The following TENM3 variants were observed in gnomAD, a reference collection of about 807,000 sequenced individuals.
The protein encoded by TENM3 is teneurin transmembrane protein 3.
A neutral mutation model predicts 255.1 loss-of-function variants in TENM3; 63 were observed. That is an observed-to-expected ratio of 0.25 (90% confidence interval 0.20 to 0.30). The LOEUF (loss-of-function observed/expected upper bound fraction) is 0.30. Among genes scored for constraint, TENM3 ranks in the 10% least tolerant of loss-of-function variants. The pLI, the probability that TENM3 is intolerant of heterozygous loss-of-function variation, is 1.00. For synonymous variants in TENM3, 1,306 were observed against 1,322.3 expected (o/e 0.99, Z 0.27); for missense variants, 2,929 against 3,461.1 (o/e 0.85, Z 3.86).
chr4:182,137,902 G>T, the TENM3 span, among the ~76,000 whole-genome samples: 2 of 152,166 alleles, frequency 1.3e-5, no homozygotes, highest in Non-Finnish European at 2.9e-5. Flanking sequence ...ATAGAATTCT[G>T]TTGTATTCTT....
chr4:182,725,085 C>T (rs1459001143), intron 13 of TENM3, among the ~76,000 whole-genome samples: 1 of 151,254 alleles, frequency 6.6e-6, no homozygotes, highest in Non-Finnish European at 1.5e-5. Flanking sequence ...CAGGGCCTCT[C>T]CCTGTCGCCC....
chr4:182,407,786 G>A (rs1421973795), intron 3 of TENM3, among the ~76,000 whole-genome samples: 1 of 152,130 alleles, frequency 6.6e-6, no homozygotes, highest in East Asian at 1.9e-4. Context: ...CCAAAGACCT[G>A]CTTTTCCATA....
intron 1 of TENM3, among the ~76,000 whole-genome samples, chr4:182,226,267 T>C (rs1296154719): frequency 6.6e-6 from 1 of 152,110 alleles, no homozygotes; most frequent in African/African-American, 2.4e-5. Context: ...GCTGGATTCC[T>C]AGGAGACTGT....
At chr4:182,557,655 A>G (rs1232926187) in intron 3 of TENM3, among the ~76,000 whole-genome samples, 1 of 152,136 alleles carries the variant, frequency 6.6e-6, no homozygotes, top group Admixed American at 6.6e-5. Flanking sequence ...GCCACAGGGT[A>G]CAACATTTTG....
chr4:182,471,313 G>A (rs1733100774), intron 3 of TENM3, among the ~76,000 whole-genome samples: 1 of 152,204 alleles, frequency 6.6e-6, no homozygotes, highest in African/African-American at 2.4e-5. Context: ...GTTGCCTAAA[G>A]ACATGGATGC....
At chr4:182,621,694 ATT>A (rs1750205382) in intron 4 of TENM3, among the ~76,000 whole-genome samples, 2 of 5,040 alleles carry the variant, frequency 4.0e-4, no homozygotes, top group African/African-American at 6.9e-4. Context: ...TATAATATAT[ATT>A]ATATATAAAA....
chr4:182,566,483 C>T (rs886328014), intron 3 of TENM3, among the ~76,000 whole-genome samples: 1 of 152,152 alleles, frequency 6.6e-6, no homozygotes, highest in Non-Finnish European at 1.5e-5. Context: ...TTTGGCCCTC[C>T]ACAGGAAACA....
At chr4:181,979,974 G>T in the TENM3 span, among the ~76,000 whole-genome samples, 1 of 152,178 alleles carries the variant, frequency 6.6e-6, no homozygotes, top group Non-Finnish European at 1.5e-5. Flanking sequence ...GAGTCACACT[G>T]GATCTCAACT....
chr4:181,961,505 T>C, the TENM3 span, among the ~76,000 whole-genome samples: 26 of 152,172 alleles, frequency 1.7e-4, no homozygotes, highest in East Asian at 3.9e-4. Context: ...CTGCAAGCTC[T>C]GCCTCCCGGG....
chr4:181,682,731 C>T, the TENM3 span, among the ~76,000 whole-genome samples: 1 of 151,998 alleles, frequency 6.6e-6, no homozygotes, highest in Non-Finnish European at 1.5e-5. Context: ...AAAAATAGGG[C>T]AATTCATTTG....
chr4:181,835,003 C>G, the TENM3 span: 1 of 152,148 alleles, frequency 6.6e-6, no homozygotes, highest in African/African-American at 2.4e-5. Flanking sequence ...AGGACAGACA[C>G]AGAAGTGTGG....
At chr4:181,839,339 T>G in the TENM3 span, among the ~76,000 whole-genome samples, 1 of 129,938 alleles carries the variant, frequency 7.7e-6, no homozygotes. Flanking sequence ...CATATATGTA[T>G]TGAGGGTATA....
At chr4:181,836,328 C>G in the TENM3 span, among the ~76,000 whole-genome samples, 1 of 152,156 alleles carries the variant, frequency 6.6e-6, no homozygotes, top group African/African-American at 2.4e-5. Context: ...TTTCTAATTT[C>G]ATATACAGAC....
chr4:182,778,073 T>A (rs17264471), intron 24 of TENM3, among the ~76,000 whole-genome samples: 11,987 of 150,456 alleles, frequency 0.08, 668 homozygotes, highest in Middle Eastern at 0.15. Flanking sequence ...TTGCAGCTCA[T>A]TTTTTTAAAA....
chr4:182,682,412 A>G (rs1756246088), intron 11 of TENM3, among the ~76,000 whole-genome samples: 2 of 152,372 alleles, frequency 1.3e-5, no homozygotes, highest in Middle Eastern at 3.4e-3. Flanking sequence ...AAGGCTAAAC[A>G]TCACAGTAAA....
At chr4:182,228,418 A>G (rs1756343674) in intron 1 of TENM3, among the ~76,000 whole-genome samples, 1 of 117,164 alleles carries the variant, frequency 8.5e-6, no homozygotes, top group South Asian at 2.3e-4. Flanking sequence ...CCAGCTCTAA[A>G]ATTTGCAACT....
chr4:181,744,339 T>C, the TENM3 span, among the ~76,000 whole-genome samples: 6 of 152,212 alleles, frequency 3.9e-5, no homozygotes, highest in Non-Finnish European at 7.3e-5. Context: ...GGTATATATA[T>C]ACCCAGTAAT....
the TENM3 span, among the ~76,000 whole-genome samples, chr4:182,081,403 G>A: frequency 6.6e-6 from 1 of 151,826 alleles, no homozygotes; most frequent in Non-Finnish European, 1.5e-5. Flanking sequence ...GGCCAATATG[G>A]TGAAACCTCA....
At chr4:182,767,947 G>A (rs1248672955) in intron 22 of TENM3, among the ~76,000 whole-genome samples, 1 of 152,210 alleles carries the variant, frequency 6.6e-6, no homozygotes, top group Non-Finnish European at 1.5e-5. Context: ...TCACATTTCA[G>A]TGACTCTCAC....
Sources: allele counts gnomAD v4.1 joint callset (sites outside exome capture counted in the v4.1 genomes callset), GRCh38; gene constraint gnomAD v4.1.1; transcripts MANE v1.5; gene names NCBI Gene and HGNC (gene_info 2026-07-23, HGNC 2026-07-21).